SAMMSON: variants seen among roughly 807,000 people sequenced by gnomAD.
SAMMSON encodes survival associated mitochondrial melanoma specific oncogenic non-coding RNA.
rs187380487 is a variant in SAMMSON at position 70,313,982 on chromosome 3, G to C, written n.739+22739G>C. On this transcript the variant is annotated intron_variant and non_coding_transcript_variant, in intron 7 of 9. Coordinates refer to ENST00000642114, the Ensembl canonical transcript of SAMMSON. ...ATTGCATTGTGGCTGTTCCTTGGAG[G>C]GACTTGCTTCTGTTATCAATACTCC... is the stretch of plus-strand genomic sequence containing the variant. Among the ~76,000 whole-genome samples, 195 of 152,128 alleles carry C rather than the reference G, an allele frequency of 1.3e-3. 2 individuals carry two copies. The East Asian group carries it at 0.029, about 23-fold the overall frequency.
chr3:70,018,491 C>A (rs1559773666), intron 3 of SAMMSON, among the ~76,000 whole-genome samples: 1 of 152,080 alleles, frequency 6.6e-6, no homozygotes, highest in Non-Finnish European at 1.5e-5. Flanking sequence ...ATTAGTCTTG[C>A]TAGCAGTCTA....
rs574014695 is a variant in SAMMSON, at chr3:70,042,871, T to A, written n.418-28605T>A. 2.6e-5 allele frequency among the ~76,000 whole-genome samples: 4 copies of A among 152,248 alleles called. No individual in the cohort carries two copies. In the South Asian group the frequency reaches 8.3e-4, roughly 32 times the overall value. Reference sequence around the variant, plus strand: ...GTGGGGATAAGTGGAGAGTATTCACTGTTGTGAGCTGTTATTACTAGAAAT... The same window carrying A: ...GTGGGGATAAGTGGAGAGTATTCACAGTTGTGAGCTGTTATTACTAGAAAT... On this transcript the variant is annotated intron_variant and non_coding_transcript_variant, in intron 3 of 9. Coordinates refer to ENST00000642114, the Ensembl canonical transcript of SAMMSON.
At position 70,151,108 on chromosome 3, in the gene SAMMSON, A is replaced by AGGGT. The variant is rs71126482; in HGVS notation, n.507+79543_507+79544insGGGT. ...TATTTCAACAGAGAGAATTTAATGG[A>AGGGT]ACTGGTTAAACAGGTATGAGAAGTC... On this transcript the variant is annotated intron_variant and non_coding_transcript_variant, in intron 4 of 9. Coordinates refer to ENST00000642114, the Ensembl canonical transcript of SAMMSON. Among the ~76,000 whole-genome samples the AGGGT allele has an allele frequency of 4.0e-5, 6 of 151,132 alleles. No individual in the cohort carries two copies. The East Asian group carries it at 1.2e-3, about 29-fold the overall frequency.
intron 6 of SAMMSON, chr3:70,291,175 C>G (rs1702235478): frequency 6.6e-6 from 1 of 152,148 alleles, no homozygotes; most frequent in Non-Finnish European, 1.5e-5. Flanking sequence ...TGTTTAACAT[C>G]CAGGGCCCTG....
At chr3:70,148,453 C>G (rs559915295) in intron 4 of SAMMSON, among the ~76,000 whole-genome samples, 3 of 152,142 alleles carry the variant, frequency 2.0e-5, no homozygotes, top group Admixed American at 6.5e-5. Context: ...TTGTCTTAGT[C>G]TGTTTGTGTT....
rs139076560 is a variant in SAMMSON, at chr3:70,245,586, C to T, written n.508-3521C>T. ...CTAGTAACTGGGTAATAAAGGGAAACGAGATTATAGTAAAAAATAAGTAAC... is the reference window on the plus strand; with the variant it reads ...CTAGTAACTGGGTAATAAAGGGAAATGAGATTATAGTAAAAAATAAGTAAC... On this transcript the variant is annotated intron_variant and non_coding_transcript_variant, in intron 4 of 9. Transcript: ENST00000642114. 1.7e-3 allele frequency among the ~76,000 whole-genome samples: 242 copies of T among 144,452 alleles called. 2 individuals carry two copies. The East Asian group carries it at 0.032, about 19-fold the overall frequency. The allele number at this position is 144,452 out of a possible 152,430, so 94.8% of individuals were successfully genotyped here.
In SAMMSON at chr3:70,063,707, C is replaced by T. The variant is rs2067199122; in HGVS notation, n.418-7769C>T. 1.3e-5 allele frequency among the ~76,000 whole-genome samples: 2 copies of T among 152,082 alleles called. 1 individual carries two copies. Among genetic ancestry groups the T allele is most frequent in the South Asian group, 4.2e-4 (2 of 4,818 alleles). Reference sequence around the variant, plus strand: ...TCCTTTCTGTGAATCAAATCCTTATCACAGGAGACAGTACAGGAGAGTGGT... The same window carrying T: ...TCCTTTCTGTGAATCAAATCCTTATTACAGGAGACAGTACAGGAGAGTGGT... On this transcript the variant is annotated intron_variant and non_coding_transcript_variant, in intron 3 of 9. Transcript: ENST00000642114.
chr3:70,051,134 CAAAAAAAAAAAAAAAAA>C (rs71126477), intron 3 of SAMMSON, among the ~76,000 whole-genome samples: 2 of 45,234 alleles, frequency 4.4e-5, no homozygotes, highest in Middle Eastern at 0.036. Flanking sequence ...TACTCCATCT[CAAAAAAAAAAAAAAAAA>C]AAAAAAAAAG....
At chr3:70,127,417 C>T (rs2067463651) in intron 4 of SAMMSON, among the ~76,000 whole-genome samples, 1 of 152,132 alleles carries the variant, frequency 6.6e-6, no homozygotes, top group Non-Finnish European at 1.5e-5. Context: ...TGCTGGATGG[C>T]AGACAAGAGG....
intron 2 of SAMMSON, among the ~76,000 whole-genome samples, chr3:70,425,873 T>G (rs1701361633): frequency 6.6e-6 from 1 of 152,198 alleles, no homozygotes; most frequent in African/African-American, 2.4e-5. Context: ...TTCTAGTAAT[T>G]CTCTTGGGGC....
intron 7 of SAMMSON, among the ~76,000 whole-genome samples, chr3:70,343,339 A>T (rs1356647695): frequency 6.6e-6 from 1 of 152,106 alleles, no homozygotes; most frequent in East Asian, 1.9e-4. Context: ...GTCATATAGG[A>T]TACCTCATTA....
At chr3:70,059,869 A>G (rs2067181299) in intron 3 of SAMMSON, among the ~76,000 whole-genome samples, 1 of 152,140 alleles carries the variant, frequency 6.6e-6, no homozygotes, top group Non-Finnish European at 1.5e-5. Flanking sequence ...AATATTTAGA[A>G]TCATGTACTA....
At chr3:70,423,097 G>T (rs1701325297) in intron 2 of SAMMSON, among the ~76,000 whole-genome samples, 1 of 151,882 alleles carries the variant, frequency 6.6e-6, no homozygotes, top group Admixed American at 6.6e-5. Flanking sequence ...ACTAAAAATT[G>T]CTTGTTTAAT....
intron 1 of SAMMSON, among the ~76,000 whole-genome samples, chr3:70,011,211 T>A (rs780996739): frequency 2.6e-5 from 4 of 152,140 alleles, no homozygotes; most frequent in Non-Finnish European, 4.4e-5. Context: ...TGGAACACCA[T>A]GACTTTATTT....
At chr3:70,138,097 A>C (rs2067513359) in intron 4 of SAMMSON, among the ~76,000 whole-genome samples, 1 of 152,172 alleles carries the variant, frequency 6.6e-6, no homozygotes, top group South Asian at 2.1e-4. Context: ...AGATACAAGA[A>C]ATTTGTTTTG....
chr3:70,086,584 TC>T, intron 4 of SAMMSON, among the ~76,000 whole-genome samples: 1 of 152,290 alleles, frequency 6.6e-6, no homozygotes. Context: ...GCCTCAGACT[TC>T]CAACTTGAAG....
At chr3:70,054,053 A>C (rs1299497928) in intron 3 of SAMMSON, among the ~76,000 whole-genome samples, 2 of 152,180 alleles carry the variant, frequency 1.3e-5, no homozygotes, top group African/African-American at 4.8e-5. Context: ...ACTGGTTGGC[A>C]AACACTTACC....
intron 7 of SAMMSON, among the ~76,000 whole-genome samples, chr3:70,323,706 A>T (rs1303650604): frequency 6.6e-6 from 1 of 152,154 alleles, no homozygotes; most frequent in Non-Finnish European, 1.5e-5. Flanking sequence ...TGGGAAGAAG[A>T]TTGGGGCAGC....
At chr3:70,343,009 A>T (rs1164083363) in intron 7 of SAMMSON, among the ~76,000 whole-genome samples, 2 of 152,178 alleles carry the variant, frequency 1.3e-5, no homozygotes, top group Non-Finnish European at 2.9e-5. Context: ...AGGAAGATAG[A>T]ATTGGAGATG....
Sources: allele counts gnomAD v4.1 joint callset (sites outside exome capture counted in the v4.1 genomes callset), GRCh38; gene constraint gnomAD v4.1.1; transcripts MANE v1.5; gene names NCBI Gene and HGNC (gene_info 2026-07-23, HGNC 2026-07-21).